The following ANKRD30A variants were observed in gnomAD, a reference collection of about 807,000 sequenced individuals.
ANKRD30A encodes the protein ankyrin repeat domain 30A.
ANKRD30A carries 170 observed loss-of-function variants against 166.3 expected under a neutral mutation model. That is an observed-to-expected ratio of 1.02 (90% confidence interval 0.90 to 1.16). The LOEUF is 1.16. ANKRD30A is among the 50% of genes most tolerant of loss of function. The pLI is 0.00. For synonymous variants in ANKRD30A, 564 were observed against 508.9 expected (o/e 1.11, Z -1.46); for missense variants, 1,630 against 1,518.0 (o/e 1.07, Z -1.23).
rs568689751 is a variant in ANKRD30A, at chr10:37,195,929, C to A, written c.2615-1352C>A. On this transcript the variant is annotated intron_variant, in intron 27 of 35. Coordinates refer to ENST00000361713, the MANE Select transcript of ANKRD30A (RefSeq NM_052997.3). ...AGAATGCATTATATTGCTTTTATTT[C>A]TGGGTATGCTTTTAGCCAGAGAAGA... Among the ~76,000 whole-genome samples the A allele has an allele frequency of 3.9e-5, 6 of 152,066 alleles. No individual in the cohort carries two copies. The East Asian group carries it at 9.7e-4, about 24-fold the overall frequency.
Position 37,142,221 on chromosome 10 carries a change from T to C in ANKRD30A, c.1324T>C (p.Leu442=), listed in dbSNP as rs761918956. The C allele has an allele frequency of 5.0e-6, 8 of 1,607,202 alleles. No individual in the cohort carries two copies. ...ARVTSNKTKV[L]EKGRSKMIAC... ...AGTAACATCTAATAAAACTAAAGTTTTGGAAAAAGGAAGATCTAAGATGAT... is the reference window on the plus strand; with the variant it reads ...AGTAACATCTAATAAAACTAAAGTTCTGGAAAAAGGAAGATCTAAGATGAT... The change falls in exon 7 of 36, where the codon TTG becomes CTG. Residue 442 remains leucine, a synonymous_variant. Transcript: ENST00000361713.
chr10:37,204,857 A>G lies in ANKRD30A; in HGVS notation c.2869+3532A>G, dbSNP rs553522545. Among the ~76,000 whole-genome samples, 15 of 152,338 alleles carry G rather than the reference A, an allele frequency of 9.8e-5. No homozygotes were observed. In the East Asian group the frequency reaches 2.1e-3, roughly 22 times the overall value. ...ACAGACACATGAAAAAATCCTCATC[A>G]TCACCTGTCATCAGAGAAATGCAAA... On this transcript the variant is annotated intron_variant, in intron 31 of 35. Transcript: ENST00000361713.
chr10:37,160,363 G>A (rs1467344313), intron 15 of ANKRD30A, among the ~76,000 whole-genome samples: 1 of 152,158 alleles, frequency 6.6e-6, no homozygotes, highest in African/African-American at 2.4e-5. Flanking sequence ...ATTGTGACAT[G>A]TCATGAGTCT....
chr10:37,159,423 T>C (rs12770905), intron 15 of ANKRD30A, among the ~76,000 whole-genome samples: 1 of 152,044 alleles, frequency 6.6e-6, no homozygotes, highest in African/African-American at 2.4e-5. Context: ...GAGGCTGAGG[T>C]GGGAGAATCG....
At chr10:37,183,975 T>C (rs1490246592) in intron 24 of ANKRD30A, among the ~76,000 whole-genome samples, 8 of 151,644 alleles carry the variant, frequency 5.3e-5, no homozygotes, top group Non-Finnish European at 1.2e-4. Flanking sequence ...GGTGAAACCC[T>C]GTCTCTACTA....
the ANKRD30A span, among the ~76,000 whole-genome samples, chr10:37,258,342 C>G: frequency 1.3e-5 from 2 of 152,036 alleles, no homozygotes; most frequent in East Asian, 3.9e-4. Context: ...CAAGAAAGTT[C>G]TGAAGAAGAA....
At chr10:37,263,693 C>T in the ANKRD30A span, among the ~76,000 whole-genome samples, 3 of 152,112 alleles carry the variant, frequency 2.0e-5, no homozygotes, top group Non-Finnish European at 4.4e-5. Context: ...GCTGTAAATA[C>T]AGAGGTAGCT....
In ANKRD30A at chr10:37,165,459, C is replaced by T. The variant is rs558531532; in HGVS notation, c.2064+304C>T. ...CGTTTGTCTAAAAGCAAAAGAATTA[C>T]ACTGAGTCGAGCTATGGGCAAATAT... is the stretch of plus-strand genomic sequence containing the variant. On this transcript the variant is annotated intron_variant, in intron 18 of 35. Transcript: ENST00000361713. Among the ~76,000 whole-genome samples, 51 of 152,292 alleles carry T rather than the reference C, an allele frequency of 3.3e-4. 1 individual carries two copies. The highest frequency in any genetic ancestry group is 1.1e-3 in the African/African-American group (45 of 41,560).
At chr10:37,202,898 T>C (rs552135441) in intron 31 of ANKRD30A, among the ~76,000 whole-genome samples, 48 of 152,168 alleles carry the variant, frequency 3.2e-4, no homozygotes, top group African/African-American at 1.0e-3. Context: ...AAAAAATGGA[T>C]AAATTCCTGG....
chr10:37,134,192 CTTTA>C, intron 5 of ANKRD30A, 139 bp downstream of exon 5: 1 of 1,036,288 alleles, frequency 9.6e-7, no homozygotes, highest in East Asian at 2.5e-5. Context: ...GTCCAGGATT[CTTTA>C]TTTTAGGACT....
intron 29 of ANKRD30A, among the ~76,000 whole-genome samples, chr10:37,198,884 T>C (rs1427372508): frequency 6.6e-6 from 1 of 152,124 alleles, no homozygotes; most frequent in Non-Finnish European, 1.5e-5. Flanking sequence ...TAATTTGTAC[T>C]TTGTGCTGAT....
chr10:37,191,754 G>T (rs1349929525), intron 25 of ANKRD30A, among the ~76,000 whole-genome samples: 1 of 151,900 alleles, frequency 6.6e-6, no homozygotes, highest in East Asian at 1.9e-4. Context: ...CCAGCACTTT[G>T]GGAGGCAAAG....
chr10:37,155,850 C>T (rs1271130428), intron 13 of ANKRD30A, among the ~76,000 whole-genome samples: 2 of 151,952 alleles, frequency 1.3e-5, no homozygotes, highest in Admixed American at 6.6e-5. Context: ...GGGAGGGCGA[C>T]GCGGGCGGAT....
chr10:37,143,063 A>G (rs929986674), intron 7 of ANKRD30A, among the ~76,000 whole-genome samples: 8 of 152,244 alleles, frequency 5.3e-5, no homozygotes, highest in African/African-American at 1.4e-4. Flanking sequence ...CCACATGCCC[A>G]TATCTAAACC....
At chr10:37,137,094 G>A (rs2132521280) in intron 6 of ANKRD30A, among the ~76,000 whole-genome samples, 1 of 151,960 alleles carries the variant, frequency 6.6e-6, no homozygotes, top group Admixed American at 6.6e-5. Context: ...GATGAGCTCA[G>A]TAACAGGGGA....
intron 9 of ANKRD30A, among the ~76,000 whole-genome samples, chr10:37,148,468 A>T (rs1179903546): frequency 2.0e-5 from 3 of 152,086 alleles, no homozygotes; most frequent in South Asian, 2.1e-4. Flanking sequence ...GAGTTTTTTT[A>T]AATTTTTTTA....
intron 6 of ANKRD30A, among the ~76,000 whole-genome samples, chr10:37,138,918 A>C (rs868593632): frequency 2.0e-5 from 3 of 152,200 alleles, no homozygotes; most frequent in East Asian, 1.9e-4. Flanking sequence ...TCCAAGACAC[A>C]TAATTGGCAG....
chr10:37,198,290 C>T (rs1335046917), intron 29 of ANKRD30A, among the ~76,000 whole-genome samples: 4 of 151,958 alleles, frequency 2.6e-5, no homozygotes, highest in African/African-American at 7.3e-5. Context: ...TGTTCGGCAA[C>T]ATTCGTTTTT....
chr10:37,172,034 A>G (rs111568035), intron 21 of ANKRD30A, among the ~76,000 whole-genome samples: 1 of 144,846 alleles, frequency 6.9e-6, no homozygotes, highest in Non-Finnish European at 1.5e-5. Flanking sequence ...TAAACAAAAG[A>G]TAGTTACACT....
Sources: gnomAD v4.1 joint callset for allele counts (sites outside exome capture counted in the v4.1 genomes callset) on GRCh38, gnomAD v4.1.1 for gene constraint, MANE v1.5 for transcripts, NCBI Gene and HGNC (gene_info 2026-07-23, HGNC 2026-07-21) for gene names.